The following SLC4A7 variants were observed in gnomAD, a reference collection of about 807,000 sequenced individuals.
SLC4A7 encodes sodium bicarbonate cotransporter 3.
SLC4A7 carries 51 observed loss-of-function variants against 137.6 expected under a neutral mutation model. The observed-to-expected ratio is 0.37, with a 90% CI of 0.30 to 0.47. The LOEUF is 0.47. SLC4A7 is among the 20% of genes least tolerant of loss of function. The pLI is 1.00. For missense variants in SLC4A7, 1,247 were observed against 1,525.4 expected (o/e 0.82, Z 3.04); for synonymous variants, 542 against 518.6 (o/e 1.05, Z -0.61).
intron 15 of SLC4A7, among the ~76,000 whole-genome samples, chr3:27,402,218 CT>C (rs2052824110): frequency 6.6e-6 from 1 of 152,190 alleles, no homozygotes; most frequent in Non-Finnish European, 1.5e-5. Flanking sequence ...AAGGCATCTA[CT>C]TAAATATGTC....
At chr3:27,401,895 T>C (rs2052778229) in intron 15 of SLC4A7, among the ~76,000 whole-genome samples, 1 of 152,198 alleles carries the variant, frequency 6.6e-6, no homozygotes, top group African/African-American at 2.4e-5. Flanking sequence ...AAATTAAAGC[T>C]TCTAAGAGGA....
chr3:27,461,351 A>T (rs941263989), intron 1 of SLC4A7, among the ~76,000 whole-genome samples: 4 of 151,980 alleles, frequency 2.6e-5, no homozygotes, highest in African/African-American at 9.7e-5. Flanking sequence ...GTGAGCCAAG[A>T]CCACGCCACT....
At chr3:27,405,803 A>G (rs1223025220) in intron 13 of SLC4A7, among the ~76,000 whole-genome samples, 2 of 152,132 alleles carry the variant, frequency 1.3e-5, no homozygotes, top group Non-Finnish European at 2.9e-5. Context: ...ATAAATGACA[A>G]AGTATCACTA....
chr3:27,386,282 C>T (rs74766070), intron 22 of SLC4A7, among the ~76,000 whole-genome samples: 19,416 of 150,740 alleles, frequency 0.13, 1,239 homozygotes, highest in Middle Eastern at 0.19. Flanking sequence ...CCTTGCACTA[C>T]GCATAAAATT....
intron 8 of SLC4A7, 96 bp downstream of exon 8, chr3:27,423,941 A>G (rs1029927710): frequency 2.4e-5 from 17 of 718,574 alleles, no homozygotes; most frequent in Non-Finnish European, 3.5e-5. Flanking sequence ...CTACTAAAAA[A>G]TTACTATCAT....
chr3:27,425,352 G>A (rs1470180598), intron 7 of SLC4A7, among the ~76,000 whole-genome samples: 2,397 of 85,290 alleles, frequency 0.028, no homozygotes, highest in Middle Eastern at 0.22. Context: ...CCTGGGCAAC[G>A]AGAGAGAAAC....
At position 27,424,020 on chromosome 3, in the gene SLC4A7, G is replaced by T; in HGVS notation, c.1266+17C>A. 2 of 1,337,750 alleles carry T rather than the reference G, an allele frequency of 1.5e-6. No individual in the cohort carries two copies. The highest frequency in any genetic ancestry group is 2.1e-6 in the Non-Finnish European group (2 of 931,632). The allele number at this position is 1,337,750 out of a possible 1,614,324, so 82.9% of individuals were successfully genotyped here. On this transcript the variant is annotated intron_variant, in intron 8 of 25. Coordinates refer to ENST00000454389, the MANE Select transcript of SLC4A7 (RefSeq NM_001321103.2). The stretch of plus-strand genomic sequence containing the variant: ...GTAAGAATAATTATGAGAATTTTCA[G>T]TTAATGATAGAATTACCTTGCTGAA...
chr3:27,457,573 A>C (rs1348751524), intron 1 of SLC4A7, among the ~76,000 whole-genome samples: 7 of 152,158 alleles, frequency 4.6e-5, no homozygotes. Flanking sequence ...ATTGTTTCTT[A>C]ATAGTTGCAA....
intron 23 of SLC4A7, among the ~76,000 whole-genome samples, chr3:27,384,890 G>A (rs543869509): frequency 1.3e-5 from 2 of 151,972 alleles, no homozygotes; most frequent in African/African-American, 2.4e-5. Context: ...GCAGTGAGCC[G>A]AGATCATGCC....
At chr3:27,419,637 A>C (rs1348894376) in intron 10 of SLC4A7, among the ~76,000 whole-genome samples, 1 of 150,978 alleles carries the variant, frequency 6.6e-6, no homozygotes, top group Non-Finnish European at 1.5e-5. Context: ...CGCCCGGCCA[A>C]AAGTTTAAAT....
At chr3:27,386,110 T>TA (rs34916422) in intron 22 of SLC4A7, 87 bp from the exon 23 acceptor site, 2 of 1,013,214 alleles carry the variant, frequency 2.0e-6, no homozygotes, top group Non-Finnish European at 1.4e-6. Context: ...TTAAATCTTA[T>TA]AAAAAATGCT....
At chr3:27,477,577 A>G (rs145339075) in intron 1 of SLC4A7, among the ~76,000 whole-genome samples, 45 of 152,164 alleles carry the variant, frequency 3.0e-4, no homozygotes, top group Non-Finnish European at 1.5e-5. Context: ...CTCCCCATCA[A>G]AGTTTAATGT....
At chr3:27,476,714 T>C (rs1439758539) in intron 1 of SLC4A7, among the ~76,000 whole-genome samples, 1 of 152,168 alleles carries the variant, frequency 6.6e-6, no homozygotes, top group East Asian at 1.9e-4. Context: ...ATGTGAAGAC[T>C]TGCATGCTTC....
chr3:27,385,092 CAT>C (rs2050802377), intron 23 of SLC4A7, among the ~76,000 whole-genome samples: 1 of 152,042 alleles, frequency 6.6e-6, no homozygotes, highest in Admixed American at 6.5e-5. Context: ...GAAAAATAAA[CAT>C]AAAATCAATA....
chr3:27,425,467 G>C (rs2055482791), intron 7 of SLC4A7, among the ~76,000 whole-genome samples: 1 of 149,550 alleles, frequency 6.7e-6, no homozygotes, highest in South Asian at 2.1e-4. Context: ...ACCTGAGGCT[G>C]GGAGTTCGAG....
At chr3:27,421,885 A>C (rs2055015561) in intron 8 of SLC4A7, 106 bp from the exon 9 acceptor site, 1 of 754,334 alleles carries the variant, frequency 1.3e-6, no homozygotes. Flanking sequence ...TGCTAATCAA[A>C]ACTTGTGATC....
At chr3:27,478,833 C>CAAAAAAAAA (rs558381804) in intron 1 of SLC4A7, among the ~76,000 whole-genome samples, 1 of 84,972 alleles carries the variant, frequency 1.2e-5, no homozygotes, top group Non-Finnish European at 2.4e-5. Flanking sequence ...ACTAAAAATA[C>CAAAAAAAAA]AAAAAAAAAA....
chr3:27,434,132 C>T, intron 5 of SLC4A7, 28 bp from the exon 6 acceptor site: 1 of 1,517,270 alleles, frequency 6.6e-7, no homozygotes, highest in Non-Finnish European at 9.0e-7. Context: ...AAATAAATTA[C>T]TAAACACTCA....
chr3:27,414,921 T>C (rs2054239366), intron 11 of SLC4A7, among the ~76,000 whole-genome samples: 1 of 152,234 alleles, frequency 6.6e-6, no homozygotes, highest in African/African-American at 2.4e-5. Context: ...TGGACAGTTT[T>C]CTCCAAGAAG....
Sources: allele counts gnomAD v4.1 joint callset (sites outside exome capture counted in the v4.1 genomes callset), GRCh38; gene constraint gnomAD v4.1.1; transcripts MANE v1.5; gene names NCBI Gene and HGNC (gene_info 2026-07-23, HGNC 2026-07-21).